The following ANO10 variants were observed in gnomAD, a reference collection of about 807,000 sequenced individuals.
The protein encoded by ANO10 is anoctamin 10.
Under a neutral mutation model 74.7 loss-of-function variants are expected in ANO10, and 77 were observed. The observed-to-expected ratio is 1.03, with a 90% CI of 0.86 to 1.25. The LOEUF (loss-of-function observed/expected upper bound fraction) is 1.25, where lower values mean the gene tolerates loss of function less well. Ranked by LOEUF, ANO10 falls within the 50% of genes most tolerant of loss-of-function variation. The pLI, the probability that ANO10 is intolerant of heterozygous loss-of-function variation, is 0.00. For missense variants in ANO10, 721 were observed against 778.1 expected (o/e 0.93, Z 0.87); for synonymous variants, 279 against 284.9 (o/e 0.98, Z 0.21).
chr3:43,419,962 T>G (rs2092795702), intron 12 of ANO10, among the ~76,000 whole-genome samples: 2 of 152,264 alleles, frequency 1.3e-5, no homozygotes, highest in Non-Finnish European at 2.9e-5. Flanking sequence ...ATCCAAACAT[T>G]TCTTGTTTTC....
chr3:43,538,997 A>G (rs1196822782), intron 11 of ANO10, among the ~76,000 whole-genome samples: 5 of 152,214 alleles, frequency 3.3e-5, no homozygotes, highest in African/African-American at 9.6e-5. Flanking sequence ...GTTTTTTAAA[A>G]TACCATTTTG....
intron 7 of ANO10, among the ~76,000 whole-genome samples, chr3:43,566,027 C>T (rs577760037): frequency 5.3e-5 from 8 of 152,286 alleles, no homozygotes; most frequent in African/African-American, 1.2e-4. Context: ...CCTTGGGAAG[C>T]GCAAGGGGTC....
At chr3:43,589,293 T>C (rs1218906243) in intron 4 of ANO10, among the ~76,000 whole-genome samples, 1 of 145,704 alleles carries the variant, frequency 6.9e-6, no homozygotes, top group Admixed American at 6.7e-5. Flanking sequence ...AACTTCTTAA[T>C]AAAGTAGAAG....
intron 11 of ANO10, 40 bp downstream of exon 11, chr3:43,549,680 A>G (rs1182652995): frequency 5.6e-6 from 9 of 1,610,156 alleles, no homozygotes; most frequent in Non-Finnish European, 7.6e-6. Context: ...GAGAAACGTA[A>G]TATGGATACT....
intron 3 of ANO10, 146 bp from the exon 4 acceptor site, chr3:43,598,812 C>T (rs1451174747): frequency 4.5e-6 from 3 of 667,918 alleles, no homozygotes; most frequent in Middle Eastern, 4.2e-4. Flanking sequence ...TTAAATAGAA[C>T]ATAAAGCTCC....
At chr3:43,637,009 A>G (rs753096871) in intron 1 of ANO10, among the ~76,000 whole-genome samples, 1 of 151,978 alleles carries the variant, frequency 6.6e-6, no homozygotes, top group Non-Finnish European at 1.5e-5. Flanking sequence ...CAAATAAATA[A>G]ATAAAAGTTA....
intron 4 of ANO10, among the ~76,000 whole-genome samples, chr3:43,586,458 G>A (rs2081484203): frequency 6.6e-6 from 1 of 152,080 alleles, no homozygotes; most frequent in Non-Finnish European, 1.5e-5. Context: ...CCTGCTGGAA[G>A]CCCCTAGGAC....
rs867832251 is a variant in ANO10, at chr3:43,531,858, G to A, written c.1797+17862C>T. On this transcript the variant is annotated intron_variant, in intron 11 of 12. Transcript: ENST00000292246. ...TGCAGTGAGCCGAGATTGGGCCATCGGCCACTGCACTCCAACCTGGTGACA... is the reference window on the plus strand; with the variant it reads ...TGCAGTGAGCCGAGATTGGGCCATCAGCCACTGCACTCCAACCTGGTGACA... 2.4e-4 allele frequency among the ~76,000 whole-genome samples: 37 copies of A among 151,698 alleles called. 1 individual carries two copies. Among genetic ancestry groups the A allele is most frequent in the African/African-American group, 7.7e-4 (32 of 41,356 alleles).
chr3:43,503,441 G>T (rs1039273924), intron 11 of ANO10, among the ~76,000 whole-genome samples: 1 of 152,134 alleles, frequency 6.6e-6, no homozygotes, highest in Non-Finnish European at 1.5e-5. Context: ...ATGAGGAGAG[G>T]GGAGTAGGCC....
intron 11 of ANO10, among the ~76,000 whole-genome samples, chr3:43,547,950 G>C (rs960903192): frequency 6.6e-6 from 1 of 152,200 alleles, no homozygotes; most frequent in Non-Finnish European, 1.5e-5. Context: ...CCAAGAGCTG[G>C]CTCATGAGAG....
intron 10 of ANO10, among the ~76,000 whole-genome samples, chr3:43,554,427 A>G (rs980627287): frequency 8.6e-5 from 13 of 152,004 alleles, no homozygotes; most frequent in Non-Finnish European, 1.5e-4. Flanking sequence ...TCCTGACCTC[A>G]GGTAATCCGC....
intron 11 of ANO10, among the ~76,000 whole-genome samples, chr3:43,434,571 A>G (rs2093038788): frequency 6.6e-6 from 1 of 152,218 alleles, no homozygotes; most frequent in African/African-American, 2.4e-5. Flanking sequence ...ATGACATGAC[A>G]AAGTCATGGC....
intron 11 of ANO10, among the ~76,000 whole-genome samples, chr3:43,436,748 C>T (rs945303334): frequency 2.6e-5 from 4 of 152,182 alleles, no homozygotes; most frequent in Non-Finnish European, 5.9e-5. Flanking sequence ...ACTCTCATGC[C>T]AGCTGCAAGG....
intron 11 of ANO10, among the ~76,000 whole-genome samples, chr3:43,498,913 A>G (rs1447103179): frequency 6.6e-6 from 1 of 152,210 alleles, no homozygotes; most frequent in Non-Finnish European, 1.5e-5. Context: ...ATGATCGTTC[A>G]TTGTCAAATG....
chr3:43,558,822 C>A (rs1049912759), intron 9 of ANO10, among the ~76,000 whole-genome samples: 3 of 152,138 alleles, frequency 2.0e-5, no homozygotes, highest in Admixed American at 6.5e-5. Flanking sequence ...TGGCAAATAT[C>A]CAACATCACT....
intron 12 of ANO10, among the ~76,000 whole-genome samples, chr3:43,373,425 T>C (rs1326118171): frequency 6.6e-6 from 1 of 151,948 alleles, no homozygotes; most frequent in African/African-American, 2.4e-5. Context: ...ACAGGAGACA[T>C]GTGAGGGAGT....
chr3:43,586,685 C>T (rs2081497086), intron 4 of ANO10, among the ~76,000 whole-genome samples: 1 of 151,940 alleles, frequency 6.6e-6, no homozygotes, highest in Non-Finnish European at 1.5e-5. Context: ...AAAATTATAG[C>T]ATCCAGCAAC....
At chr3:43,441,050 TAA>T (rs1177035097) in intron 11 of ANO10, among the ~76,000 whole-genome samples, 1 of 151,688 alleles carries the variant, frequency 6.6e-6, no homozygotes. Flanking sequence ...ACGACAGTAC[TAA>T]GAGAGAAGTT....
At chr3:43,560,435 C>A (rs2079972907) in intron 9 of ANO10, among the ~76,000 whole-genome samples, 1 of 152,162 alleles carries the variant, frequency 6.6e-6, no homozygotes, top group Non-Finnish European at 1.5e-5. Context: ...ACTCAAAAAT[C>A]AGGAGATAAA....
Sources: gnomAD v4.1 joint callset for allele counts (sites outside exome capture counted in the v4.1 genomes callset) on GRCh38, gnomAD v4.1.1 for gene constraint, MANE v1.5 for transcripts, NCBI Gene and HGNC (gene_info 2026-07-23, HGNC 2026-07-21) for gene names.